Variants in SLC24A2 observed in about 807,000 individuals in gnomAD.
The protein encoded by SLC24A2 is sodium/potassium/calcium exchanger 2.
In SLC24A2, 36 loss-of-function variants were observed where a neutral mutation model predicts 62.0. The ratio of observed to expected loss-of-function variants is 0.58; its 90% confidence interval spans 0.44 to 0.77. SLC24A2 has a LOEUF of 0.77. SLC24A2 is among the 30% of genes least tolerant of loss of function. The probability of loss-of-function intolerance (pLI) is 0.00; values close to 1 mark genes in which losing one functional copy is unlikely to be tolerated. For missense variants in SLC24A2, 846 were observed against 817.9 expected (o/e 1.03, Z -0.42); for synonymous variants, 358 against 294.0 (o/e 1.22, Z -2.23).
chr9:19,823,325 G>A, the SLC24A2 span, among the ~76,000 whole-genome samples: 1 of 140,498 alleles, frequency 7.1e-6, no homozygotes, highest in African/African-American at 2.6e-5. Context: ...GTGTGTGTGT[G>A]TGTATTCACA....
At chr9:19,744,032 C>T (rs1178294380) in intron 2 of SLC24A2, among the ~76,000 whole-genome samples, 1 of 152,138 alleles carries the variant, frequency 6.6e-6, no homozygotes, top group African/African-American at 2.4e-5. Flanking sequence ...TCACGCTGCA[C>T]AACATTGTTA....
chr9:20,286,484 G>T, the SLC24A2 span, among the ~76,000 whole-genome samples: 1 of 152,202 alleles, frequency 6.6e-6, no homozygotes, highest in South Asian at 2.1e-4. Context: ...ATGAGCAAAA[G>T]GCACAGGACA....
At chr9:20,280,121 T>C in the SLC24A2 span, among the ~76,000 whole-genome samples, 73 of 152,322 alleles carry the variant, frequency 4.8e-4, no homozygotes, top group African/African-American at 1.7e-3. Flanking sequence ...ATGGGGATTC[T>C]TGAAAAAGTA....
the SLC24A2 span, among the ~76,000 whole-genome samples, chr9:20,032,347 T>A: frequency 6.6e-6 from 1 of 152,224 alleles, no homozygotes; most frequent in Admixed American, 6.5e-5. Context: ...CCAGCAAAGT[T>A]TGCAGGGAAA....
At chr9:19,597,090 C>CA in intron 5 of SLC24A2, 139 bp downstream of exon 5, 1 of 675,638 alleles carries the variant, frequency 1.5e-6, no homozygotes. Flanking sequence ...AAAAACTAGA[C>CA]AAAAATGCAG....
At chr9:19,872,832 A>G in the SLC24A2 span, among the ~76,000 whole-genome samples, 10 of 152,226 alleles carry the variant, frequency 6.6e-5, no homozygotes, top group East Asian at 9.6e-4. Context: ...TACCATAGCA[A>G]TTTCATAGCA....
the SLC24A2 span, among the ~76,000 whole-genome samples, chr9:20,219,620 C>T: frequency 6.6e-6 from 1 of 152,172 alleles, no homozygotes; most frequent in Non-Finnish European, 1.5e-5. Flanking sequence ...TCAACAGTAG[C>T]TCTTCCTCAG....
the SLC24A2 span, among the ~76,000 whole-genome samples, chr9:19,918,591 G>A: frequency 1.3e-5 from 2 of 152,106 alleles, no homozygotes; most frequent in Non-Finnish European, 2.9e-5. Flanking sequence ...GTGAGATGCA[G>A]GCTGAGGTTG....
intron 2 of SLC24A2, among the ~76,000 whole-genome samples, chr9:19,665,034 C>G (rs1040368728): frequency 2.2e-4 from 33 of 152,126 alleles, no homozygotes; most frequent in African/African-American, 8.0e-4. Flanking sequence ...CTAAGGATAC[C>G]TCCTCTTCCT....
the SLC24A2 span, among the ~76,000 whole-genome samples, chr9:19,799,987 G>A: frequency 1.3e-5 from 2 of 152,110 alleles, no homozygotes; most frequent in Non-Finnish European, 2.9e-5. Context: ...TAGCTTCGGC[G>A]GCTCTGAGAA....
intron 2 of SLC24A2, among the ~76,000 whole-genome samples, chr9:19,665,669 A>G (rs559819731): frequency 1.3e-5 from 2 of 152,268 alleles, no homozygotes; most frequent in Admixed American, 1.3e-4. Flanking sequence ...TCTGTCACCC[A>G]GGCTGGAGTA....
At chr9:19,892,937 T>C in the SLC24A2 span, among the ~76,000 whole-genome samples, 7 of 152,262 alleles carry the variant, frequency 4.6e-5, no homozygotes, top group African/African-American at 1.7e-4. Flanking sequence ...CCTTAGATCA[T>C]GAGAGGGACA....
chr9:20,083,095 T>C, the SLC24A2 span, among the ~76,000 whole-genome samples: 1 of 152,234 alleles, frequency 6.6e-6, no homozygotes, highest in Non-Finnish European at 1.5e-5. Context: ...AGGCAGCACA[T>C]GATTCAATGA....
chr9:20,281,850 T>G, the SLC24A2 span, among the ~76,000 whole-genome samples: 29 of 152,360 alleles, frequency 1.9e-4, no homozygotes, highest in African/African-American at 6.5e-4. Flanking sequence ...TCTACAGTAC[T>G]AAATCTTCCA....
chr9:19,551,074 T>C (rs1463847808), intron 7 of SLC24A2, among the ~76,000 whole-genome samples: 2 of 152,158 alleles, frequency 1.3e-5, no homozygotes, highest in Admixed American at 6.6e-5. Context: ...GACTGATTTC[T>C]TCTATCTAAC....
At chr9:19,681,777 C>T (rs981279295) in intron 2 of SLC24A2, among the ~76,000 whole-genome samples, 1 of 152,154 alleles carries the variant, frequency 6.6e-6, no homozygotes, top group Non-Finnish European at 1.5e-5. Flanking sequence ...CATCTTTGTT[C>T]TTAGTTAACA....
At chr9:19,954,582 G>A in the SLC24A2 span, among the ~76,000 whole-genome samples, 5 of 151,544 alleles carry the variant, frequency 3.3e-5, no homozygotes, top group Admixed American at 6.6e-5. Context: ...AACATCTTCC[G>A]CCAGATTTTT....
At chr9:19,720,938 A>T (rs940682801) in intron 2 of SLC24A2, among the ~76,000 whole-genome samples, 1 of 149,958 alleles carries the variant, frequency 6.7e-6, no homozygotes, top group African/African-American at 2.5e-5. Flanking sequence ...TAATATTTTC[A>T]AGATTTGATT....
rs34282856 is a variant in SLC24A2 at position 19,508,795 on chromosome 9, T to TA, written c.*7357dup. 0.7 allele frequency: 104,907 copies of TA among 150,552 alleles called. 37,431 individuals carry two copies. The highest frequency in any genetic ancestry group is 0.91 in the East Asian group (4,636 of 5,120). The allele number at this position is 150,552 out of a possible 1,614,324, so 9.3% of individuals were successfully genotyped here. ...GGTGACAGAGCAAGACCCTGTCTGTTAAAAAAAAAATTATATAAAAATTTG... is the reference window on the plus strand; with the variant it reads ...GGTGACAGAGCAAGACCCTGTCTGTTAAAAAAAAAAATTATATAAAAATTTG... On this transcript the variant is annotated 3_prime_UTR_variant, in exon 11 of 11. Transcript: ENST00000341998.
Sources: gnomAD v4.1 joint callset for allele counts (sites outside exome capture counted in the v4.1 genomes callset) on GRCh38, gnomAD v4.1.1 for gene constraint, MANE v1.5 for transcripts, NCBI Gene and HGNC (gene_info 2026-07-23, HGNC 2026-07-21) for gene names.